Variants in DNAJC3 observed in about 807,000 individuals in gnomAD.
The protein encoded by DNAJC3 is dnaJ homolog subfamily C member 3.
A neutral mutation model predicts 68.6 loss-of-function variants in DNAJC3; 38 were observed. The observed-to-expected ratio is 0.55, with a 90% CI of 0.43 to 0.73. DNAJC3 has a LOEUF of 0.73. Ranked by LOEUF, DNAJC3 falls within the 30% of genes least tolerant of loss-of-function variation. The probability of loss-of-function intolerance (pLI) is 0.00; values close to 1 mark genes in which losing one functional copy is unlikely to be tolerated. For synonymous variants in DNAJC3, 203 were observed against 204.0 expected (o/e 1.00, Z 0.04); for missense variants, 526 against 591.9 (o/e 0.89, Z 1.16).
At position 95,725,186 on chromosome 13, in the gene DNAJC3, A is replaced by G; in HGVS notation, c.327A>G (p.Leu109=). The G allele has an allele frequency of 6.3e-7, 1 of 1,581,556 alleles. No individual in the cohort carries two copies. The highest frequency in any genetic ancestry group is 1.9e-5 in the Admixed American group (1 of 52,638). The change falls in exon 4 of 12, where the codon TTA becomes TTG. Residue 109 remains leucine, a synonymous_variant. Transcript: ENST00000602402. Reference sequence around the variant, plus strand: ...GCCCCCTTTTTTTCTAGGCAAGATTACAGAGAGGTCACTTATTACTCAAAC... The same window carrying G: ...GCCCCCTTTTTTTCTAGGCAAGATTGCAGAGAGGTCACTTATTACTCAAAC... ...QLKMDFTAAR[L]QRGHLLLKQG...
chr13:95,681,333 C>T (rs1401699640), intron 1 of DNAJC3, among the ~76,000 whole-genome samples: 1 of 152,110 alleles, frequency 6.6e-6, no homozygotes, highest in Non-Finnish European at 1.5e-5. Flanking sequence ...GCTGATTAGT[C>T]TCATTTATCT....
At position 95,763,901 on chromosome 13, in the gene DNAJC3, T is replaced by C. The variant is rs1354880598; in HGVS notation, c.1023T>C (p.Asn341=). ...EVLQMEPDNV[N]ALKDRAEAYL... The stretch of plus-strand genomic sequence containing the variant: ...TACAGATGGAACCTGACAATGTGAA[T>C]GCCCTGAAAGATCGAGCAGAGGCCT... The change falls in exon 9 of 12, where the codon AAT becomes AAC. Residue 341 remains asparagine (N), a synonymous_variant. Coordinates refer to ENST00000602402, the MANE Select transcript of DNAJC3 (RefSeq NM_006260.5). 2 of 1,614,110 alleles carry C rather than the reference T, an allele frequency of 1.2e-6. No homozygotes were observed. Among genetic ancestry groups the C allele is most frequent in the Non-Finnish European group, 1.7e-6 (2 of 1,179,968 alleles).
chr13:95,716,792 G>T (rs1881164037), intron 2 of DNAJC3, among the ~76,000 whole-genome samples: 1 of 152,182 alleles, frequency 6.6e-6, no homozygotes, highest in African/African-American at 2.4e-5. Context: ...CCAGCCATTT[G>T]TATCTGTGTC....
chr13:95,779,833 G>C (rs1883399267), intron 9 of DNAJC3, among the ~76,000 whole-genome samples: 1 of 151,962 alleles, frequency 6.6e-6, no homozygotes. Context: ...AGTATGCTTT[G>C]GCTATGTTTT....
At chr13:95,770,648 C>T (rs989207613) in intron 9 of DNAJC3, among the ~76,000 whole-genome samples, 10 of 152,078 alleles carry the variant, frequency 6.6e-5, no homozygotes, top group African/African-American at 2.2e-4. Flanking sequence ...TTGTTTAAAT[C>T]GGCCTAAAAT....
rs759729876 is a variant in DNAJC3, at chr13:95,722,815, G to GCCCCCCCC, written c.194-410_194-403dup. Among the ~76,000 whole-genome samples, 11 of 15,332 alleles carry GCCCCCCCC rather than the reference G, an allele frequency of 7.2e-4. 1 individual carries two copies. The highest frequency in any genetic ancestry group is 1.2e-3 in the African/African-American group (3 of 2,538). The allele number at this position is 15,332 out of a possible 152,430, so 10.1% of individuals were successfully genotyped here. A position where few individuals can be genotyped will look rare whatever the true frequency, so the allele number is the denominator to read the frequency against. The stretch of plus-strand genomic sequence containing the variant: ...AACCTGGGTGACAGACACCTTGTCC[G>GCCCCCCCC]CCCCCCCCCCCCCCCCCCCCCCCCG... On this transcript the variant is annotated intron_variant, in intron 2 of 11. Coordinates refer to ENST00000602402, the MANE Select transcript of DNAJC3 (RefSeq NM_006260.5).
intron 1 of DNAJC3, among the ~76,000 whole-genome samples, chr13:95,685,885 A>T (rs1236862490): frequency 6.6e-6 from 1 of 151,480 alleles, no homozygotes; most frequent in East Asian, 1.9e-4. Context: ...TTCTCTGATG[A>T]TTAGTGATGA....
chr13:95,735,175 A>T (rs1482829165), intron 4 of DNAJC3, among the ~76,000 whole-genome samples: 20 of 144,428 alleles, frequency 1.4e-4, no homozygotes, highest in African/African-American at 5.2e-4. Context: ...GCTGCATAGT[A>T]TTCCATGGTG....
At chr13:95,777,007 G>A (rs190734449) in intron 9 of DNAJC3, among the ~76,000 whole-genome samples, 1 of 152,298 alleles carries the variant, frequency 6.6e-6, no homozygotes, top group African/African-American at 2.4e-5. Context: ...GAAATTCAGT[G>A]TCTACTGGTT....
chr13:95,727,198 TTTTTTTTTCCAATTAAAC>T (rs1881558377), intron 4 of DNAJC3, among the ~76,000 whole-genome samples: 1 of 152,226 alleles, frequency 6.6e-6, no homozygotes. Flanking sequence ...ACTTAGGTTT[TTTTTTTTTCCAATTAAAC>T]TTGAGAGTAG....
chr13:95,758,510 T>C (rs1594010143), intron 5 of DNAJC3, among the ~76,000 whole-genome samples: 1 of 150,386 alleles, frequency 6.6e-6, no homozygotes, highest in East Asian at 1.9e-4. Flanking sequence ...GTGGTGTGCA[T>C]GCTTGTGATC....
chr13:95,717,386 AGG>A (rs1881185436), intron 2 of DNAJC3, among the ~76,000 whole-genome samples: 1 of 152,228 alleles, frequency 6.6e-6, no homozygotes, highest in African/African-American at 2.4e-5. Context: ...TTTAGACAAA[AGG>A]AAACAAAAAG....
chr13:95,723,516 A>C, intron 3 of DNAJC3, 150 bp downstream of exon 3: 1 of 860,020 alleles, frequency 1.2e-6, no homozygotes, highest in East Asian at 2.7e-5. Flanking sequence ...AGAGAAATTC[A>C]AAGTCCCTAG....
In DNAJC3 at chr13:95,791,956, C is replaced by T. The variant is rs2305091; in HGVS notation, c.*926C>T. On this transcript the variant is annotated 3_prime_UTR_variant, in exon 12 of 12. Coordinates refer to ENST00000602402, the MANE Select transcript of DNAJC3 (RefSeq NM_006260.5). ...ATAAATAAATACAGAATGCCATGTTCTCCACTTCTAAGTAAAGACAGTGGG... is the reference window on the plus strand; with the variant it reads ...ATAAATAAATACAGAATGCCATGTTTTCCACTTCTAAGTAAAGACAGTGGG... The T allele has an allele frequency of 0.52, 79,281 of 151,590 alleles. 20,822 individuals are homozygous for T. Among genetic ancestry groups the T allele is most frequent in the East Asian group, 0.65 (3,305 of 5,116 alleles). 9.4% of individuals were successfully genotyped at this position (151,590 alleles called of 1,614,324 possible). A position where few individuals can be genotyped will look rare whatever the true frequency, so the allele number is the denominator to read the frequency against.
chr13:95,760,234 G>T lies in DNAJC3; in HGVS notation c.728+13G>T. On this transcript the variant is annotated intron_variant, in intron 6 of 11. Coordinates refer to ENST00000602402, the MANE Select transcript of DNAJC3 (RefSeq NM_006260.5). ...AACTGTCCCTCAGGTCAGTTCTAGT[G>T]ACACACATGTCTGATCTTTTTTAAT... The T allele has an allele frequency of 6.5e-7, 1 of 1,528,904 alleles. No homozygotes were observed. Among genetic ancestry groups the T allele is most frequent in the South Asian group, 1.3e-5 (1 of 74,448 alleles). The allele number at this position is 1,528,904 out of a possible 1,614,324, so 94.7% of individuals were successfully genotyped here.
chr13:95,785,617 C>G (rs1305101611), intron 9 of DNAJC3, among the ~76,000 whole-genome samples: 1 of 151,118 alleles, frequency 6.6e-6, no homozygotes, highest in East Asian at 1.9e-4. Context: ...CACCACCATG[C>G]CCGGCTAATT....
At chr13:95,685,480 A>G (rs1331857164) in intron 1 of DNAJC3, among the ~76,000 whole-genome samples, 2 of 152,254 alleles carry the variant, frequency 1.3e-5, no homozygotes, top group South Asian at 2.1e-4. Flanking sequence ...GGCTTGTCCC[A>G]GATGAGACTT....
rs2139697691 is a variant in DNAJC3 at position 95,785,945 on chromosome 13, A to G, written c.1082A>G (p.Gln361Arg). Residue 361 changes from glutamine to arginine, a missense_variant, in exon 10 of 12, where the codon CAG becomes CGG. By Grantham distance (43) the Gln-to-Arg change is conservative. Coordinates refer to ENST00000602402, the MANE Select transcript of DNAJC3 (RefSeq NM_006260.5). Reference sequence around the variant, plus strand: ...CTTAAACATATTTTGACAGCTATTCAGGATTATGAAACTGCTCAGGAACAC... The same window carrying G: ...CTTAAACATATTTTGACAGCTATTCGGGATTATGAAACTGCTCAGGAACAC... ...LIEEMYDEAIQDYETAQEHNE... is the reference protein window; with the variant it reads ...LIEEMYDEAIRDYETAQEHNE... The G allele has an allele frequency of 1.3e-6, 2 of 1,592,168 alleles. No homozygotes were observed. Among genetic ancestry groups the G allele is most frequent in the Middle Eastern group, 3.4e-4 (2 of 5,952 alleles).
chr13:95,710,604 T>C (rs945279143), intron 2 of DNAJC3, among the ~76,000 whole-genome samples: 3 of 152,214 alleles, frequency 2.0e-5, no homozygotes, highest in South Asian at 2.1e-4. Flanking sequence ...TCTTTACTTA[T>C]ATATTTTTAC....
Sources: allele counts gnomAD v4.1 joint callset (sites outside exome capture counted in the v4.1 genomes callset), GRCh38; gene constraint gnomAD v4.1.1; transcripts MANE v1.5; gene names NCBI Gene and HGNC (gene_info 2026-07-23, HGNC 2026-07-21).